Variants in MINDY2 observed in about 807,000 individuals in gnomAD.
The protein encoded by MINDY2 is ubiquitin carboxyl-terminal hydrolase MINDY-2.
MINDY2 carries 52 observed loss-of-function variants against 68.2 expected under a neutral mutation model. The observed-to-expected ratio is 0.76, with a 90% CI of 0.61 to 0.96. The LOEUF (loss-of-function observed/expected upper bound fraction) is 0.96, where lower values mean the gene tolerates loss of function less well. MINDY2 is among the 40% of genes least tolerant of loss of function. The pLI, the probability that MINDY2 is intolerant of heterozygous loss-of-function variation, is 0.00. For synonymous variants in MINDY2, 372 were observed against 303.0 expected, an observed-to-expected ratio of 1.23 and a Z score of -2.36; for missense variants, 881 against 773.4, an observed-to-expected ratio of 1.14 and a Z score of -1.65.
intron 2 of MINDY2, chr15:58,795,974 G>C (rs112297028): frequency 1.2e-4 from 47 of 390,902 alleles, no homozygotes; most frequent in Non-Finnish European, 2.3e-4. Flanking sequence ...AAGGAGAAAG[G>C]GTATTGAATA....
At chr15:58,808,019 C>CCCCT (rs2029932990) in intron 3 of MINDY2, among the ~76,000 whole-genome samples, 1 of 151,708 alleles carries the variant, frequency 6.6e-6, no homozygotes, top group African/African-American at 2.4e-5. Flanking sequence ...ACTCCCCACT[C>CCCCT]CCCTCCCTCC....
In MINDY2 at chr15:58,856,772, T is replaced by A. The variant is rs1343898236; in HGVS notation, c.*2162T>A. 1 of 152,228 alleles carries A rather than the reference T, an allele frequency of 6.6e-6. No individual in the cohort carries two copies. The highest frequency in any genetic ancestry group is 1.5e-5 in the Non-Finnish European group (1 of 68,030). The allele number at this position is 152,228 out of a possible 1,614,324, so 9.4% of individuals were successfully genotyped here. The stretch of plus-strand genomic sequence containing the variant: ...GTAGTGATAGTGCATTATATTTGAA[T>A]AAGAAAAACAAACCAGTATACCTTG... On this transcript the variant is annotated 3_prime_UTR_variant, in exon 9 of 9. Coordinates refer to ENST00000559228, the MANE Select transcript of MINDY2 (RefSeq NM_001040450.3).
In MINDY2 at chr15:58,791,622, A is replaced by ATGTGTGTGTGTG. The variant is rs368688031; in HGVS notation, c.898+3687_898+3698dup. On this transcript the variant is annotated intron_variant, in intron 2 of 8. Transcript: ENST00000559228. ...ACAGGGCAAGACCCTGTCTCAAAAT[A>ATGTGTGTGTGTG]TGTGTGTGTGTGTGTGTGTGTGTGT... 6.6e-3 allele frequency among the ~76,000 whole-genome samples: 906 copies of ATGTGTGTGTGTG among 136,708 alleles called. 8 individuals are homozygous for ATGTGTGTGTGTG. The highest frequency in any genetic ancestry group is 0.018 in the African/African-American group (647 of 36,450). The allele number at this position is 136,708 out of a possible 152,430, so 89.7% of individuals were successfully genotyped here. A position where few individuals can be genotyped will look rare whatever the true frequency, so the allele number is the denominator to read the frequency against.
chr15:58,776,168 T>C lies in MINDY2; in HGVS notation c.840+3933T>C, dbSNP rs569686944. 4.2e-4 allele frequency among the ~76,000 whole-genome samples: 64 copies of C among 152,288 alleles called. 1 individual carries two copies. In the Middle Eastern group the frequency reaches 0.01, roughly 24 times the overall value. On this transcript the variant is annotated intron_variant, in intron 1 of 8. Transcript: ENST00000559228. ...GGGAAATTACTACATAGAGTAAATA[T>C]GGTAGTACTACATAGAGTAAATATG...
intron 2 of MINDY2, among the ~76,000 whole-genome samples, chr15:58,793,810 G>A (rs1902094313): frequency 6.6e-6 from 1 of 152,180 alleles, no homozygotes; most frequent in South Asian, 2.1e-4. Flanking sequence ...TCAGCTGGGA[G>A]TGAGGATGAG....
chr15:58,809,450 A>G (rs1191537365), intron 3 of MINDY2, among the ~76,000 whole-genome samples: 3 of 152,118 alleles, frequency 2.0e-5, no homozygotes, highest in Admixed American at 2.0e-4. Flanking sequence ...GTATGTATAT[A>G]TCTCATTTTC....
chr15:58,806,066 T>G (rs1306885169), intron 3 of MINDY2, among the ~76,000 whole-genome samples: 1 of 152,178 alleles, frequency 6.6e-6, no homozygotes. Flanking sequence ...AGAGCGAGAC[T>G]CCGTCTCAAA....
At chr15:58,842,298 A>T (rs1368654788) in intron 6 of MINDY2, among the ~76,000 whole-genome samples, 2 of 152,096 alleles carry the variant, frequency 1.3e-5, no homozygotes, top group East Asian at 3.9e-4. Context: ...GTCAGATGGT[A>T]TGAGGTTGGT....
rs1318962430 is a variant in MINDY2 at position 58,771,310 on chromosome 15, T to C, written c.-86T>C. ...CGAGGCCGCGCCAGGGCGCTGTTGC[T>C]GCCAATACAGCTGTCATGGCGTCCA... On this transcript the variant is annotated 5_prime_UTR_variant, in exon 1 of 9. Coordinates refer to ENST00000559228, the MANE Select transcript of MINDY2 (RefSeq NM_001040450.3). The C allele has an allele frequency of 3.9e-6, 6 of 1,520,866 alleles. No individual in the cohort carries two copies. Among genetic ancestry groups the C allele is most frequent in the Non-Finnish European group, 5.3e-6 (6 of 1,137,190 alleles). 94.2% of individuals were successfully genotyped at this position (1,520,866 alleles called of 1,614,324 possible).
At chr15:58,800,530 A>C (rs1465578950) in intron 2 of MINDY2, among the ~76,000 whole-genome samples, 1 of 152,188 alleles carries the variant, frequency 6.6e-6, no homozygotes, top group African/African-American at 2.4e-5. Context: ...CTTTTGTATT[A>C]ACTCTTTGTA....
chr15:58,785,032 T>TTC (rs1306818227), intron 1 of MINDY2, among the ~76,000 whole-genome samples: 1 of 151,752 alleles, frequency 6.6e-6, no homozygotes, highest in Non-Finnish European at 1.5e-5. Flanking sequence ...CATAACCTGT[T>TTC]TCTCCTTTGA....
chr15:58,824,516 T>C (rs2031264470), intron 5 of MINDY2, among the ~76,000 whole-genome samples: 1 of 152,160 alleles, frequency 6.6e-6, no homozygotes, highest in Non-Finnish European at 1.5e-5. Context: ...ACTAGATTTT[T>C]GTTCATAAGT....
chr15:58,825,831 C>G (rs1248394764), intron 5 of MINDY2, among the ~76,000 whole-genome samples: 1 of 152,028 alleles, frequency 6.6e-6, no homozygotes, highest in Non-Finnish European at 1.5e-5. Flanking sequence ...GTCTCAAACT[C>G]CTGACATCAG....
At chr15:58,776,763 T>A (rs995986527) in intron 1 of MINDY2, among the ~76,000 whole-genome samples, 1 of 152,128 alleles carries the variant, frequency 6.6e-6, no homozygotes, top group Non-Finnish European at 1.5e-5. Flanking sequence ...GGCTCATGCC[T>A]GTCGTCCCAG....
At chr15:58,813,007 C>T (rs1567057043) in intron 4 of MINDY2, among the ~76,000 whole-genome samples, 1 of 152,188 alleles carries the variant, frequency 6.6e-6, no homozygotes, top group Non-Finnish European at 1.5e-5. Context: ...ACTAATCTTT[C>T]TCCATTTCTA....
Position 58,857,971 on chromosome 15 carries a change from A to C in MINDY2, c.*3361A>C, listed in dbSNP as rs1265595870. Reference sequence around the variant, plus strand: ...TCCACAATGCTGTGATTTATAGTACATGATCAACACTTAAAAGTACTTTAC... The same window carrying C: ...TCCACAATGCTGTGATTTATAGTACCTGATCAACACTTAAAAGTACTTTAC... On this transcript the variant is annotated 3_prime_UTR_variant, in exon 9 of 9. Coordinates refer to ENST00000559228, the MANE Select transcript of MINDY2 (RefSeq NM_001040450.3). 1 of 152,232 alleles carries C rather than the reference A, an allele frequency of 6.6e-6. No homozygotes were observed. The highest frequency in any genetic ancestry group is 2.4e-5 in the African/African-American group (1 of 41,464). The allele number at this position is 152,232 out of a possible 1,614,324, so 9.4% of individuals were successfully genotyped here.
In MINDY2 at chr15:58,831,869, T is replaced by C. The variant is rs1421318720; in HGVS notation, c.1321T>C (p.Cys441Arg). ...TTCAACGGTTCAGGAAGGAGAACTT[T>C]GTGTGTTCTTTCGGAATAATCATTT... ...LTSTVQEGEL[C>R]VFFRNNHFST... The change falls in exon 6 of 9, where the codon TGT (cysteine) becomes CGT (arginine). Residue 441 changes from cysteine (C) to arginine (R), a missense_variant. Physicochemically the swap from Cys to Arg is radical, Grantham distance 180 (BLOSUM62 -3). Transcript: ENST00000559228. The C allele has an allele frequency of 1.2e-6, 2 of 1,613,612 alleles. No individual in the cohort carries two copies. Among genetic ancestry groups the C allele is most frequent in the Non-Finnish European group, 8.5e-7 (1 of 1,179,820 alleles).
chr15:58,833,804 G>A (rs1401419613), intron 6 of MINDY2, among the ~76,000 whole-genome samples: 2 of 151,918 alleles, frequency 1.3e-5, no homozygotes, highest in Admixed American at 6.6e-5. Context: ...GCAGGAGACA[G>A]AAGCCTTCCT....
Position 58,771,943 on chromosome 15 carries a change from A to G in MINDY2, c.548A>G (p.His183Arg). The G allele has an allele frequency of 6.4e-7, 1 of 1,555,458 alleles. No individual in the cohort carries two copies. The highest frequency in any genetic ancestry group is 2.3e-5 in the East Asian group (1 of 44,398). Residue 183 changes from histidine to arginine, a missense_variant, in exon 1 of 9, where the codon CAT (histidine) becomes CGT (arginine). By Grantham distance (29) the His-to-Arg change is conservative. Transcript: ENST00000559228. Reference sequence around the variant, plus strand: ...TCTCTGGAGTCGTTCTCTAACCTGCATTCTTTTCCCAGTAGCTGCGAGTTC... The same window carrying G: ...TCTCTGGAGTCGTTCTCTAACCTGCGTTCTTTTCCCAGTAGCTGCGAGTTC... ...LDSLESFSNL[H>R]SFPSSCEFNS...
Sources: gnomAD v4.1 joint callset for allele counts (sites outside exome capture counted in the v4.1 genomes callset) on GRCh38, gnomAD v4.1.1 for gene constraint, MANE v1.5 for transcripts, NCBI Gene and HGNC (gene_info 2026-07-23, HGNC 2026-07-21) for gene names.